Variants in WDR4 observed in about 807,000 individuals in gnomAD.
WDR4 encodes the protein WDR4 tRNA N7-guanosine methyltransferase non-catalytic subunit, also known as tRNA (guanine-N(7)-)-methyltransferase non-catalytic subunit WDR4.
In WDR4, 47 loss-of-function variants were observed where a neutral mutation model predicts 48.6. That is an observed-to-expected ratio of 0.97 (90% confidence interval 0.77 to 1.23). WDR4 has a LOEUF of 1.23. Ranked by LOEUF, WDR4 falls within the 50% of genes most tolerant of loss-of-function variation. The probability of loss-of-function intolerance (pLI) is 0.00; values close to 1 mark genes in which losing one functional copy is unlikely to be tolerated. For synonymous variants in WDR4, 268 were observed against 230.0 expected (o/e 1.17, Z -1.49); for missense variants, 606 against 551.6 (o/e 1.10, Z -0.99).
Position 42,873,635 on chromosome 21 carries a change from T to G in WDR4, c.212A>C (p.Lys71Thr). Residue 71 changes from lysine (K) to threonine (T), a missense_variant, in exon 3 of 11, where the codon AAG becomes ACG. Lys to Thr is a moderately conservative substitution (Grantham distance 78). Transcript: ENST00000398208. ...SGAILASTFS[K>T]SGSYFALTDD... The stretch of plus-strand genomic sequence containing the variant: ...GGTTAAAGCAAAATAGCTGCCAGAC[T>G]TGGAGAAGGTGGACGCCAGAATCGC... 6.2e-7 allele frequency: 1 copy of G among 1,614,006 alleles called. No individual in the cohort carries two copies. The highest frequency in any genetic ancestry group is 8.5e-7 in the Non-Finnish European group (1 of 1,179,978).
intron 2 of WDR4, among the ~76,000 whole-genome samples, chr21:42,875,864 G>A (rs979665875): frequency 6.7e-6 from 1 of 150,218 alleles, no homozygotes; most frequent in Non-Finnish European, 1.5e-5. Context: ...GAGCCAGTAA[G>A]ATGTGATTAC....
intron 3 of WDR4, among the ~76,000 whole-genome samples, chr21:42,863,917 T>C (rs1317693900): frequency 1.2e-5 from 1 of 84,126 alleles, no homozygotes; most frequent in Non-Finnish European, 2.3e-5. Flanking sequence ...CCATTCTGGC[T>C]AACACGGTGA....
At chr21:42,870,336 G>A (rs2058344890) in intron 3 of WDR4, among the ~76,000 whole-genome samples, 1 of 151,590 alleles carries the variant, frequency 6.6e-6, no homozygotes, top group African/African-American at 2.4e-5. Flanking sequence ...GGGTGACAGA[G>A]CGAGACTCTG....
intron 3 of WDR4, among the ~76,000 whole-genome samples, chr21:42,871,577 A>G (rs1448344505): frequency 3.3e-5 from 5 of 152,252 alleles, no homozygotes; most frequent in Non-Finnish European, 7.3e-5. Flanking sequence ...CAGGCCTTTC[A>G]AGATAAAGAT....
chr21:42,855,154 A>G (rs1282441948), intron 7 of WDR4, among the ~76,000 whole-genome samples: 2 of 152,104 alleles, frequency 1.3e-5, no homozygotes, highest in Non-Finnish European at 2.9e-5. Flanking sequence ...TTTTTTTTAA[A>G]TGAAGGAAAC....
intron 4 of WDR4, 87 bp downstream of exon 4, chr21:42,863,353 G>C: frequency 6.7e-7 from 1 of 1,481,986 alleles, no homozygotes; most frequent in Non-Finnish European, 9.2e-7. Flanking sequence ...GGTAGACATT[G>C]ACTCAGCGTA....
downstream of WDR4, among the ~76,000 whole-genome samples, chr21:42,844,681 G>C (rs2057696075): frequency 6.6e-6 from 1 of 152,226 alleles, no homozygotes; most frequent in South Asian, 2.1e-4. Context: ...AGAGCAGGAA[G>C]CCCGGGGCAG....
At chr21:42,886,989 T>G in the WDR4 span, 1 of 152,324 alleles carries the variant, frequency 6.6e-6, no homozygotes, top group Non-Finnish European at 1.5e-5. Context: ...CACTACTTTT[T>G]ATTTGATTTG....
chr21:42,881,719 A>T (rs2058612317), upstream of WDR4, among the ~76,000 whole-genome samples: 1 of 152,212 alleles, frequency 6.6e-6, no homozygotes, highest in Non-Finnish European at 1.5e-5. Flanking sequence ...AGTAGCACCT[A>T]CTGCTAGGTA....
chr21:42,850,631 CCT>C (rs2057800906), intron 10 of WDR4, among the ~76,000 whole-genome samples: 1 of 152,170 alleles, frequency 6.6e-6, no homozygotes, highest in Non-Finnish European at 1.5e-5. Flanking sequence ...AGAGAGGCCC[CCT>C]GTCCTGCCGA....
chr21:42,876,850 C>T lies in WDR4; in HGVS notation c.90-83G>A, dbSNP rs11700660. The T allele has an allele frequency of 0.12, 152,004 of 1,300,358 alleles. 9,854 individuals carry two copies. Among genetic ancestry groups the T allele is most frequent in the Admixed American group, 0.19 (8,523 of 45,054 alleles). 80.6% of individuals were successfully genotyped at this position (1,300,358 alleles called of 1,614,324 possible). A position where few individuals can be genotyped will look rare whatever the true frequency, so the allele number is the denominator to read the frequency against. On this transcript the variant is annotated intron_variant, in intron 1 of 10. Transcript: ENST00000398208. ...TTTTTTTTTTTGAGACGGAGTTTCG[C>T]TCTCGTTGTCCAGGCTCCAGTACAA... is the stretch of plus-strand genomic sequence containing the variant.
upstream of WDR4, chr21:42,879,919 C>T: frequency 5.0e-6 from 2 of 398,610 alleles, no homozygotes; most frequent in Non-Finnish European, 8.9e-6. Flanking sequence ...CACATGAAGT[C>T]AGCAGTTCGA....
At chr21:42,890,585 A>G in the WDR4 span, among the ~76,000 whole-genome samples, 1 of 152,204 alleles carries the variant, frequency 6.6e-6, no homozygotes, top group Non-Finnish European at 1.5e-5. Context: ...GGGAGCCTCT[A>G]GTAGTTCAGG....
At chr21:42,876,613 G>T in intron 2 of WDR4, 89 bp downstream of exon 2, 1 of 1,258,656 alleles carries the variant, frequency 7.9e-7, no homozygotes. Flanking sequence ...TAAGAATTCA[G>T]CAAGTAGGAC....
rs1299887710 is a variant in WDR4, at chr21:42,862,189, C to T, written c.566+93G>A. 4.1e-6 allele frequency: 5 copies of T among 1,218,180 alleles called. No homozygotes were observed. The highest frequency in any genetic ancestry group is 5.7e-6 in the Non-Finnish European group (5 of 871,238). The allele number at this position is 1,218,180 out of a possible 1,614,324, so 75.5% of individuals were successfully genotyped here. ...GGGGCTGCTGTCACCCGCGTGGGGC[C>T]TCGCCAGCTACAACGGCACCTGCTG... On this transcript the variant is annotated intron_variant, in intron 5 of 10. Transcript: ENST00000398208. This position sits in a 1 kb window ranked among gnomAD's most constrained non-coding sequence, Gnocchi z 4.3.
chr21:42,872,434 ACT>A lies in WDR4; in HGVS notation c.296+1115_296+1116del, dbSNP rs562900315. Among the ~76,000 whole-genome samples the A allele has an allele frequency of 6.0e-3, 912 of 151,460 alleles. 9 individuals are homozygous for A. Among genetic ancestry groups the A allele is most frequent in the Non-Finnish European group, 9.8e-3 (662 of 67,812 alleles). ...AGACCAGCCTGGCCAATGTGGTGAA[ACT>A]CTGTCTCCAGCAAAAAATACAAAAA... On this transcript the variant is annotated intron_variant, in intron 3 of 10. Coordinates refer to ENST00000398208, the MANE Select transcript of WDR4 (RefSeq NM_018669.6).
At chr21:42,878,747 AAGG>A (rs2058558419) in intron 1 of WDR4, among the ~76,000 whole-genome samples, 1 of 152,194 alleles carries the variant, frequency 6.6e-6, no homozygotes, top group South Asian at 2.1e-4. Context: ...TACACTAAGG[AAGG>A]AGAATAAAAT....
chr21:42,861,999 C>G (rs2058127737), intron 5 of WDR4, among the ~76,000 whole-genome samples: 1 of 152,194 alleles, frequency 6.6e-6, no homozygotes, highest in African/African-American at 2.4e-5. Context: ...GCAGGGGTCT[C>G]CACACTGAGA....
downstream of WDR4, among the ~76,000 whole-genome samples, chr21:42,847,037 C>CA (rs10709007): frequency 1.2e-4 from 18 of 148,836 alleles, no homozygotes; most frequent in East Asian, 2.0e-4. Flanking sequence ...GACTCTGTCT[C>CA]AAAAAAAAAA....
Sources: gnomAD v4.1 joint callset for allele counts (sites outside exome capture counted in the v4.1 genomes callset) on GRCh38, gnomAD v4.1.1 for gene constraint, Gnocchi (gnomAD v3.1) non-coding constraint, MANE v1.5 for transcripts, NCBI Gene and HGNC (gene_info 2026-07-23, HGNC 2026-07-21) for gene names.